Variants in ARHGAP10 observed in about 807,000 individuals in gnomAD.
ARHGAP10 encodes Rho GTPase activating protein 10.
A neutral mutation model predicts 108.6 loss-of-function variants in ARHGAP10; 87 were observed. The observed-to-expected ratio is 0.80, with a 90% CI of 0.67 to 0.96. ARHGAP10 has a LOEUF of 0.96. Ranked by LOEUF, ARHGAP10 falls within the 40% of genes least tolerant of loss-of-function variation. The pLI is 0.00. For missense variants in ARHGAP10, 939 were observed against 954.5 expected, an observed-to-expected ratio of 0.98 and a Z score of 0.21; for synonymous variants, 347 against 341.1, an observed-to-expected ratio of 1.02 and a Z score of -0.19.
At position 148,063,211 on chromosome 4, in the gene ARHGAP10, C is replaced by T; in HGVS notation, c.2091C>T (p.Ser697=). 1 of 1,614,178 alleles carries T rather than the reference C, an allele frequency of 6.2e-7. No individual in the cohort carries two copies. Among genetic ancestry groups the T allele is most frequent in the Non-Finnish European group, 8.5e-7 (1 of 1,180,030 alleles). Residue 697 remains serine (S), a synonymous_variant, in exon 21 of 23, where the codon AGC becomes AGT. Transcript: ENST00000336498. Reference sequence around the variant, plus strand: ...ACCCACAGTCTCCAACCACAACAAGCTCCAACTCAGCTGTGACACCTCTTT... The same window carrying T: ...ACCCACAGTCTCCAACCACAACAAGTTCCAACTCAGCTGTGACACCTCTTT... ...WLNPQSPTTT[S]SNSAVTPLSP...
At chr4:147,922,708 AT>A (rs1380673835) in intron 13 of ARHGAP10, among the ~76,000 whole-genome samples, 5 of 134,426 alleles carry the variant, frequency 3.7e-5, no homozygotes, top group East Asian at 2.2e-4. Context: ...AAAAAAAAAA[AT>A]TTTATTCATA....
chr4:147,855,861 G>T (rs141258036), intron 4 of ARHGAP10, among the ~76,000 whole-genome samples: 1 of 152,106 alleles, frequency 6.6e-6, no homozygotes, highest in Non-Finnish European at 1.5e-5. Context: ...GAAGAACAGC[G>T]TGTGGTCCCA....
At chr4:147,828,055 A>G (rs1732793205) in intron 3 of ARHGAP10, among the ~76,000 whole-genome samples, 1 of 152,154 alleles carries the variant, frequency 6.6e-6, no homozygotes, top group African/African-American at 2.4e-5. Flanking sequence ...TGCCCGCCTC[A>G]TTCACCCAAA....
Position 148,023,819 on chromosome 4 carries a change from T to C in ARHGAP10, c.1867+406T>C, listed in dbSNP as rs142102685. The stretch of plus-strand genomic sequence containing the variant: ...CAGTTCACCATCGCTCTGGGGTTTA[T>C]GGCTTGTGTGCCTTACTTGCCCCAT... On this transcript the variant is annotated intron_variant, in intron 19 of 22. Transcript: ENST00000336498. Among the ~76,000 whole-genome samples, 365 of 152,380 alleles carry C rather than the reference T, an allele frequency of 2.4e-3. 4 individuals are homozygous for C. Among genetic ancestry groups the C allele is most frequent in the African/African-American group, 7.7e-3 (319 of 41,600 alleles).
At position 148,060,344 on chromosome 4, in the gene ARHGAP10, A is replaced by ACTTTTTTTTT. The variant is rs1411745355; in HGVS notation, c.2028-2804_2028-2803insCTTTTTTTTT. On this transcript the variant is annotated intron_variant, in intron 20 of 22. Coordinates refer to ENST00000336498, the MANE Select transcript of ARHGAP10 (RefSeq NM_024605.4). The stretch of plus-strand genomic sequence containing the variant: ...TGGTTACATAACGAAGCTCATGTTT[A>ACTTTTTTTTT]GTTTTTTTTTTTTTTTTTTTTTGGC... Among the ~76,000 whole-genome samples, 27 of 120,844 alleles carry ACTTTTTTTTT rather than the reference A, an allele frequency of 2.2e-4. 8 individuals are homozygous for ACTTTTTTTTT. Among genetic ancestry groups the ACTTTTTTTTT allele is most frequent in the African/African-American group, 1.5e-4 (5 of 32,924 alleles). 79.3% of individuals were successfully genotyped at this position (120,844 alleles called of 152,430 possible).
intron 10 of ARHGAP10, among the ~76,000 whole-genome samples, chr4:147,890,000 C>T (rs1205070386): frequency 6.6e-6 from 1 of 152,168 alleles, no homozygotes; most frequent in African/African-American, 2.4e-5. Context: ...TTATCAGTCA[C>T]CTGAGGCACG....
In ARHGAP10 at chr4:147,775,503, T is replaced by C. The variant is rs551935826; in HGVS notation, c.154+43048T>C. Among the ~76,000 whole-genome samples, 3 of 152,276 alleles carry C rather than the reference T, an allele frequency of 2.0e-5. No homozygotes were observed. The East Asian group carries it at 5.8e-4, about 29-fold the overall frequency. ...AGCTGCATTAGGGGCCTATCAAGCCTTGCTCTCACATATGCAGAATAAGCA... is the reference window on the plus strand; with the variant it reads ...AGCTGCATTAGGGGCCTATCAAGCCCTGCTCTCACATATGCAGAATAAGCA... On this transcript the variant is annotated intron_variant, in intron 1 of 22. Transcript: ENST00000336498.
At chr4:148,054,191 G>T (rs565725114) in intron 20 of ARHGAP10, among the ~76,000 whole-genome samples, 2 of 152,186 alleles carry the variant, frequency 1.3e-5, no homozygotes, top group Non-Finnish European at 1.5e-5. Context: ...GGCTCTCTCC[G>T]TAAGTTCGAG....
intron 17 of ARHGAP10, among the ~76,000 whole-genome samples, chr4:147,966,430 C>T (rs913787035): frequency 2.6e-5 from 4 of 152,062 alleles, no homozygotes; most frequent in Non-Finnish European, 4.4e-5. Flanking sequence ...TACTGAGGGC[C>T]AACTGTGCAT....
At chr4:148,018,064 C>G (rs1212201054) in intron 18 of ARHGAP10, among the ~76,000 whole-genome samples, 1 of 152,108 alleles carries the variant, frequency 6.6e-6, no homozygotes, top group Non-Finnish European at 1.5e-5. Context: ...CACTTCCTTA[C>G]CTGGCATGCC....
In ARHGAP10 at chr4:147,864,867, A is replaced by T; in HGVS notation, c.508A>T (p.Asn170Tyr). ...ATAGGCAGATATCCAAGTAGAGCAG[A>T]ACCGGCAACACTTCTATGAACTGTC... Reference protein sequence around the residue: ...LQEADIQVEQNRQHFYELSLE... With the variant: ...LQEADIQVEQYRQHFYELSLE... The change falls in exon 6 of 23, where the codon AAC (asparagine) becomes TAC (tyrosine). Residue 170 changes from asparagine (N) to tyrosine (Y), a missense_variant. Asn to Tyr is a moderately radical substitution (Grantham distance 143). Transcript: ENST00000336498. The T allele has an allele frequency of 6.2e-7, 1 of 1,614,004 alleles. No homozygotes were observed. Among genetic ancestry groups the T allele is most frequent in the Non-Finnish European group, 8.5e-7 (1 of 1,179,960 alleles).
intron 4 of ARHGAP10, among the ~76,000 whole-genome samples, chr4:147,852,773 G>A (rs1733926028): frequency 7.6e-6 from 1 of 131,926 alleles, no homozygotes; most frequent in South Asian, 2.5e-4. Flanking sequence ...GGCTGGAGTA[G>A]AATGGCATGA....
At chr4:147,987,971 C>T (rs893445726) in intron 18 of ARHGAP10, among the ~76,000 whole-genome samples, 1 of 152,218 alleles carries the variant, frequency 6.6e-6, no homozygotes, top group Admixed American at 6.5e-5. Flanking sequence ...TTGGTTGCAA[C>T]CAAATCATCT....
rs527719502 is a variant in ARHGAP10, at chr4:147,769,883, G to C, written c.154+37428G>C. 9.9e-5 allele frequency among the ~76,000 whole-genome samples: 15 copies of C among 152,278 alleles called. 1 individual carries two copies. The South Asian group carries it at 3.1e-3, about 32-fold the overall frequency. On this transcript the variant is annotated intron_variant, in intron 1 of 22. Coordinates refer to ENST00000336498, the MANE Select transcript of ARHGAP10 (RefSeq NM_024605.4). ...AAGGGAAAAGAGAGGAGCCTGAAGG[G>C]ACTGCCACTTTTCTCTAGCAGTGGA...
chr4:147,846,168 T>C (rs888184694), intron 3 of ARHGAP10, among the ~76,000 whole-genome samples: 1 of 152,136 alleles, frequency 6.6e-6, no homozygotes, highest in African/African-American at 2.4e-5. Flanking sequence ...TTATTTTGAG[T>C]GTTCCCTACG....
intron 15 of ARHGAP10, among the ~76,000 whole-genome samples, chr4:147,954,502 T>A (rs944527768): frequency 1.3e-5 from 2 of 151,972 alleles, no homozygotes; most frequent in Non-Finnish European, 2.9e-5. Context: ...AAATTTTGTT[T>A]GTGCATCTTT....
At chr4:147,830,975 G>T (rs954274598) in intron 3 of ARHGAP10, among the ~76,000 whole-genome samples, 1 of 152,208 alleles carries the variant, frequency 6.6e-6, no homozygotes, top group Non-Finnish European at 1.5e-5. Flanking sequence ...TAGGGCACTT[G>T]TCATCAAAGT....
intron 1 of ARHGAP10, among the ~76,000 whole-genome samples, chr4:147,741,168 A>AT (rs34646235): frequency 1.3e-5 from 2 of 152,130 alleles, no homozygotes; most frequent in South Asian, 2.1e-4. Flanking sequence ...CTACCTATGC[A>AT]TTTTTTGGAT....
At chr4:148,047,176 A>T in intron 20 of ARHGAP10, 125 bp downstream of exon 20, 1 of 1,171,826 alleles carries the variant, frequency 8.5e-7, no homozygotes. Context: ...TTGTTTTCTT[A>T]TCAGAAGGGC....
Sources: allele counts gnomAD v4.1 joint callset (sites outside exome capture counted in the v4.1 genomes callset), GRCh38; gene constraint gnomAD v4.1.1; transcripts MANE v1.5; gene names NCBI Gene and HGNC (gene_info 2026-07-23, HGNC 2026-07-21).